Variants in FRMD4B observed in about 807,000 individuals in gnomAD.
FRMD4B encodes FERM domain-containing protein 4B.
In FRMD4B, 74 loss-of-function variants were observed where a neutral mutation model predicts 141.5. That is an observed-to-expected ratio of 0.52 (90% CI 0.43 to 0.63). The LOEUF is 0.63. Among genes scored for constraint, FRMD4B ranks in the 30% least tolerant of loss-of-function variants. The probability of loss-of-function intolerance (pLI) is 0.00; values close to 1 mark genes in which losing one functional copy is unlikely to be tolerated. For synonymous variants in FRMD4B, 506 were observed against 467.9 expected (o/e 1.08, Z -1.05); for missense variants, 1,366 against 1,253.4 (o/e 1.09, Z -1.36).
At chr3:69,281,114 A>C (rs886704796) in intron 5 of FRMD4B, among the ~76,000 whole-genome samples, 2 of 151,708 alleles carry the variant, frequency 1.3e-5, no homozygotes, top group African/African-American at 2.4e-5. Flanking sequence ...TTGTATTTTT[A>C]GTAGAGACGG....
intron 1 of FRMD4B, among the ~76,000 whole-genome samples, chr3:69,380,003 A>C (rs1376783717): frequency 6.6e-6 from 1 of 152,260 alleles, no homozygotes; most frequent in Non-Finnish European, 1.5e-5. Flanking sequence ...AACTGTATAC[A>C]GTATGAAATG....
intron 3 of FRMD4B, among the ~76,000 whole-genome samples, chr3:69,309,199 A>T (rs1701490828): frequency 6.6e-6 from 1 of 151,520 alleles, no homozygotes; most frequent in African/African-American, 2.4e-5. Flanking sequence ...TCATAAACTC[A>T]CTGTAGCCTT....
At chr3:69,325,820 C>T (rs1045418927) in intron 1 of FRMD4B, among the ~76,000 whole-genome samples, 1 of 152,106 alleles carries the variant, frequency 6.6e-6, no homozygotes, top group Non-Finnish European at 1.5e-5. Flanking sequence ...CATGTATTAC[C>T]AGTTTATCCT....
chr3:69,488,731 T>C (rs953620327), intron 1 of FRMD4B, among the ~76,000 whole-genome samples: 1 of 151,442 alleles, frequency 6.6e-6, no homozygotes, highest in Admixed American at 6.6e-5. Flanking sequence ...TGAAACCCCA[T>C]CTCCACTAAA....
intron 5 of FRMD4B, among the ~76,000 whole-genome samples, chr3:69,250,727 T>TC (rs2106787463): frequency 9.2e-6 from 1 of 109,280 alleles, no homozygotes; most frequent in African/African-American, 4.6e-5. Context: ...TCAGTTTTCC[T>TC]TTTTTTTTTT....
chr3:69,485,120 A>C (rs527347201), intron 1 of FRMD4B, among the ~76,000 whole-genome samples: 1 of 151,926 alleles, frequency 6.6e-6, no homozygotes, highest in Non-Finnish European at 1.5e-5. Context: ...CTGCTCCTCT[A>C]TTACCAAAGT....
At chr3:69,390,339 C>T (rs1704354394), upstream of FRMD4B, among the ~76,000 whole-genome samples, 1 of 152,120 alleles carries the variant, frequency 6.6e-6, no homozygotes, top group Non-Finnish European at 1.5e-5. Context: ...CAACATAGGG[C>T]TTGAGGTGAA....
chr3:69,183,474 A>ATTTT lies in FRMD4B; in HGVS notation c.1920-761_1920-758dup, dbSNP rs771537044. ...ATGGTGACAACACAATTAGAAGTTA[A>ATTTT]TTTTTTTTTTTTTTTTTTTTTTTTT... is the stretch of plus-strand genomic sequence containing the variant. On this transcript the variant is annotated intron_variant, in intron 19 of 22. Coordinates refer to ENST00000398540, the MANE Select transcript of FRMD4B (RefSeq NM_015123.3). Among the ~76,000 whole-genome samples, 21 of 113,276 alleles carry ATTTT rather than the reference A, an allele frequency of 1.9e-4. 1 individual carries two copies. Among genetic ancestry groups the ATTTT allele is most frequent in the East Asian group, 1.4e-3 (4 of 2,948 alleles). The allele number at this position is 113,276 out of a possible 152,430, so 74.3% of individuals were successfully genotyped here. A position where few individuals can be genotyped will look rare whatever the true frequency, so the allele number is the denominator to read the frequency against.
At chr3:69,521,699 C>G (rs1394250027) in intron 1 of FRMD4B, among the ~76,000 whole-genome samples, 1 of 152,174 alleles carries the variant, frequency 6.6e-6, no homozygotes, top group East Asian at 1.9e-4. Flanking sequence ...GGCCCATTCT[C>G]TACTCATAAA....
At chr3:69,236,779 A>T (rs2093348193) in intron 7 of FRMD4B, among the ~76,000 whole-genome samples, 1 of 152,202 alleles carries the variant, frequency 6.6e-6, no homozygotes, top group African/African-American at 2.4e-5. Context: ...AAGGCCTGGG[A>T]TGGGATGAAG....
At chr3:69,271,229 T>A (rs1347297751) in intron 5 of FRMD4B, among the ~76,000 whole-genome samples, 1 of 152,240 alleles carries the variant, frequency 6.6e-6, no homozygotes, top group Non-Finnish European at 1.5e-5. Context: ...TAGCTTGTCT[T>A]GACGTATTCC....
chr3:69,246,291 AC>A (rs1362375444), intron 7 of FRMD4B, among the ~76,000 whole-genome samples: 1 of 152,104 alleles, frequency 6.6e-6, no homozygotes, highest in Non-Finnish European at 1.5e-5. Context: ...CCCTGTTTCT[AC>A]AAAAAATACA....
chr3:69,222,420 T>C (rs918536097), intron 8 of FRMD4B, among the ~76,000 whole-genome samples: 7 of 145,986 alleles, frequency 4.8e-5, no homozygotes, highest in African/African-American at 1.5e-4. Flanking sequence ...TGAGCCGAGA[T>C]TGAGCCATTG....
chr3:69,183,780 C>A (rs535098431), intron 19 of FRMD4B, among the ~76,000 whole-genome samples: 1 of 151,242 alleles, frequency 6.6e-6, no homozygotes, highest in Non-Finnish European at 1.5e-5. Flanking sequence ...CCGCGCCCAG[C>A]CTGAAGTTAA....
rs1431881879 is a variant in FRMD4B, at chr3:69,202,799, A to G, written c.877-4025T>C. 3.9e-5 allele frequency among the ~76,000 whole-genome samples: 6 copies of G among 152,326 alleles called. No homozygotes were observed. The East Asian group carries it at 1.2e-3, about 29-fold the overall frequency. On this transcript the variant is annotated intron_variant, in intron 11 of 22. Coordinates refer to ENST00000398540, the MANE Select transcript of FRMD4B (RefSeq NM_015123.3). ...CCTTTTGATATCAAAAGAAGGATGT[A>G]GAGAGTGACTGAAGAATAATATCTG... is the stretch of plus-strand genomic sequence containing the variant.
At position 69,233,480 on chromosome 3, in the gene FRMD4B, C is replaced by T. The variant is rs1398204687; in HGVS notation, c.582-8790G>A. Among the ~76,000 whole-genome samples, 7 of 141,812 alleles carry T rather than the reference C, an allele frequency of 4.9e-5. No individual in the cohort carries two copies. The Admixed American group carries it at 5.0e-4, about 10-fold the overall frequency. The allele number at this position is 141,812 out of a possible 152,430, so 93.0% of individuals were successfully genotyped here. On this transcript the variant is annotated intron_variant, in intron 7 of 22. Coordinates refer to ENST00000398540, the MANE Select transcript of FRMD4B (RefSeq NM_015123.3). Reference sequence around the variant, plus strand: ...CCTGGGTGACAGAGTGAGACCCTGTCTCAAAAAAAAAAAAAAAAAGATTAA... The same window carrying T: ...CCTGGGTGACAGAGTGAGACCCTGTTTCAAAAAAAAAAAAAAAAAGATTAA...
At chr3:69,374,912 C>T (rs1703924913) in intron 1 of FRMD4B, among the ~76,000 whole-genome samples, 1 of 152,136 alleles carries the variant, frequency 6.6e-6, no homozygotes, top group Non-Finnish European at 1.5e-5. Context: ...TAAGAAATTA[C>T]GTGCATAAGA....
In FRMD4B at chr3:69,233,082, G is replaced by A. The variant is rs555693518; in HGVS notation, c.582-8392C>T. On this transcript the variant is annotated intron_variant, in intron 7 of 22. Coordinates refer to ENST00000398540, the MANE Select transcript of FRMD4B (RefSeq NM_015123.3). ...TTCACTTTTCTTCTCCAAGCAAAGC[G>A]CTTCCTTACCTGAAACCCAAACCAA... Among the ~76,000 whole-genome samples the A allele has an allele frequency of 1.1e-4, 16 of 151,730 alleles. No homozygotes were observed. In the East Asian group the frequency reaches 1.2e-3, roughly 11 times the overall value.
chr3:69,386,139 C>T (rs1704248302), upstream of FRMD4B: 2 of 700,668 alleles, frequency 2.9e-6, no homozygotes, highest in Non-Finnish European at 4.5e-6. Flanking sequence ...ACCGTGCGTC[C>T]TGGCCAGGCT....
Sources: gnomAD v4.1 joint callset for allele counts (sites outside exome capture counted in the v4.1 genomes callset) on GRCh38, gnomAD v4.1.1 for gene constraint, MANE v1.5 for transcripts, NCBI Gene and HGNC (gene_info 2026-07-23, HGNC 2026-07-21) for gene names.